CDH4: variants seen among roughly 807,000 people sequenced by gnomAD.
CDH4 encodes the protein cadherin-4.
In CDH4, 33 loss-of-function variants were observed where a neutral mutation model predicts 86.0. The observed-to-expected ratio is 0.38, with a 90% CI of 0.29 to 0.51. CDH4 has a LOEUF of 0.51. Among genes scored for constraint, CDH4 ranks in the 20% least tolerant of loss-of-function variants. The pLI, the probability that CDH4 is intolerant of heterozygous loss-of-function variation, is 0.86. For missense variants in CDH4, 1,114 were observed against 1,307.4 expected (o/e 0.85, Z 2.28); for synonymous variants, 555 against 549.4 (o/e 1.01, Z -0.14).
chr20:61,767,748 A>G (rs2088717175), intron 3 of CDH4, among the ~76,000 whole-genome samples: 1 of 152,030 alleles, frequency 6.6e-6, no homozygotes, highest in Non-Finnish European at 1.5e-5. Context: ...CAGGAGGGGA[A>G]CTGTGGGGTA....
chr20:61,414,013 T>G (rs1424734782), intron 2 of CDH4, among the ~76,000 whole-genome samples: 1 of 152,180 alleles, frequency 6.6e-6, no homozygotes, highest in Non-Finnish European at 1.5e-5. Context: ...CCCTGTGACC[T>G]CCCAAGGTTG....
At chr20:61,357,275 C>T (rs935168003) in intron 2 of CDH4, among the ~76,000 whole-genome samples, 2 of 152,216 alleles carry the variant, frequency 1.3e-5, no homozygotes, top group East Asian at 1.9e-4. Context: ...CCTTGGACAT[C>T]GTGTGCCCCT....
At chr20:61,907,624 C>A in intron 8 of CDH4, among the ~76,000 whole-genome samples, 1 of 152,146 alleles carries the variant, frequency 6.6e-6, no homozygotes, top group East Asian at 1.9e-4. Flanking sequence ...GATCTGACTC[C>A]TGGGCGGCTC....
At chr20:61,476,601 C>T (rs1358228042) in intron 2 of CDH4, among the ~76,000 whole-genome samples, 1 of 152,196 alleles carries the variant, frequency 6.6e-6, no homozygotes, top group Admixed American at 6.5e-5. Context: ...GTGGGAGCAT[C>T]AGCCGCCACA....
chr20:61,284,149 C>CAAAAA (rs5842344), intron 2 of CDH4, among the ~76,000 whole-genome samples: 2 of 136,518 alleles, frequency 1.5e-5, no homozygotes, highest in Non-Finnish European at 3.2e-5. Flanking sequence ...ACTAAAAATA[C>CAAAAA]AAAAAAAAAA....
intron 9 of CDH4, among the ~76,000 whole-genome samples, chr20:61,913,018 G>A (rs1169202481): frequency 6.6e-6 from 1 of 152,174 alleles, no homozygotes; most frequent in East Asian, 1.9e-4. Context: ...GCTGGCTGGG[G>A]CCTTCCCCAG....
At chr20:61,734,995 G>A (rs1172807610) in intron 2 of CDH4, among the ~76,000 whole-genome samples, 1 of 151,106 alleles carries the variant, frequency 6.6e-6, no homozygotes, top group Non-Finnish European at 1.5e-5. Context: ...GTTGCTCTGC[G>A]GCCCCTCCCT....
At chr20:61,356,806 T>G (rs1216145823) in intron 2 of CDH4, among the ~76,000 whole-genome samples, 1 of 152,238 alleles carries the variant, frequency 6.6e-6, no homozygotes, top group Non-Finnish European at 1.5e-5. Context: ...CAGCCAGTTT[T>G]GGATACTTAG....
chr20:61,472,258 C>A (rs2085508546), intron 2 of CDH4, among the ~76,000 whole-genome samples: 1 of 152,114 alleles, frequency 6.6e-6, no homozygotes, highest in Non-Finnish European at 1.5e-5. Context: ...CATGCAATGA[C>A]CTCCTTTGTC....
chr20:61,747,936 A>C (rs1315821173), intron 3 of CDH4, among the ~76,000 whole-genome samples: 1 of 98,190 alleles, frequency 1.0e-5, no homozygotes, highest in Non-Finnish European at 2.0e-5. Context: ...ATGCAGGAGA[A>C]ATATTTAAAA....
chr20:61,460,708 TG>T (rs1258281303), intron 2 of CDH4, among the ~76,000 whole-genome samples: 1 of 152,180 alleles, frequency 6.6e-6, no homozygotes, highest in Non-Finnish European at 1.5e-5. Flanking sequence ...CAGACCTGGC[TG>T]GCTGTTCTGC....
intron 2 of CDH4, among the ~76,000 whole-genome samples, chr20:61,572,749 A>C (rs1020004316): frequency 1.3e-5 from 2 of 152,246 alleles, no homozygotes; most frequent in Non-Finnish European, 2.9e-5. Flanking sequence ...GGCTGACCTC[A>C]GAGAAGACAG....
At chr20:61,910,742 C>A in intron 9 of CDH4, 135 bp downstream of exon 9, 2 of 794,640 alleles carry the variant, frequency 2.5e-6, no homozygotes, top group Non-Finnish European at 4.0e-6. Flanking sequence ...GGCAGGTAAC[C>A]CAACCTGCTG....
At chr20:61,574,231 G>A (rs1028426675) in intron 2 of CDH4, among the ~76,000 whole-genome samples, 1 of 152,258 alleles carries the variant, frequency 6.6e-6, no homozygotes, top group Non-Finnish European at 1.5e-5. Flanking sequence ...GCACCATGCT[G>A]TAGCCCAGCC....
intron 4 of CDH4, among the ~76,000 whole-genome samples, chr20:61,839,474 GTGTA>G (rs1343299947): frequency 2.0e-5 from 3 of 151,302 alleles, no homozygotes; most frequent in Non-Finnish European, 2.9e-5. Flanking sequence ...CACTGTGCAT[GTGTA>G]TGTGTGTTTG....
intron 2 of CDH4, among the ~76,000 whole-genome samples, chr20:61,576,508 TAGG>T (rs1389163115): frequency 3.3e-5 from 5 of 152,076 alleles, no homozygotes; most frequent in Non-Finnish European, 1.5e-5. Context: ...TGGCTTGGAG[TAGG>T]AGTAGGCTGG....
intron 2 of CDH4, among the ~76,000 whole-genome samples, chr20:61,481,180 C>T (rs531447955): frequency 2.8e-4 from 42 of 152,278 alleles, no homozygotes; most frequent in African/African-American, 8.9e-4. Flanking sequence ...CCAGGGAACA[C>T]GTGGTAGGGT....
intron 2 of CDH4, among the ~76,000 whole-genome samples, chr20:61,332,329 C>T (rs1389267211): frequency 6.6e-6 from 1 of 152,214 alleles, no homozygotes; most frequent in Non-Finnish European, 1.5e-5. Context: ...AGGCTGTTTC[C>T]CTAGAGAGTC....
chr20:61,576,342 G>A (rs1356074990), intron 2 of CDH4, among the ~76,000 whole-genome samples: 3 of 152,136 alleles, frequency 2.0e-5, no homozygotes, highest in Non-Finnish European at 4.4e-5. Flanking sequence ...CAGCTGGCAG[G>A]TCAGGGTTAG....
Sources: allele counts gnomAD v4.1 joint callset (sites outside exome capture counted in the v4.1 genomes callset), GRCh38; gene constraint gnomAD v4.1.1; transcripts MANE v1.5; gene names NCBI Gene and HGNC (gene_info 2026-07-23, HGNC 2026-07-21).